MEI1: variants seen among roughly 807,000 people sequenced by gnomAD.
The protein encoded by MEI1 is meiosis inhibitor protein 1.
MEI1 carries 103 observed loss-of-function variants against 146.2 expected under a neutral mutation model. That is an observed-to-expected ratio of 0.70 (90% CI 0.60 to 0.83). The LOEUF (loss-of-function observed/expected upper bound fraction) is 0.83, where lower values mean the gene tolerates loss of function less well. Among genes scored for constraint, MEI1 ranks in the 40% least tolerant of loss-of-function variants. The pLI is 0.00. For synonymous variants in MEI1, 652 were observed against 628.2 expected (o/e 1.04, Z -0.57); for missense variants, 1,529 against 1,533.0 (o/e 1.00, Z 0.04).
At position 41,729,702 on chromosome 22, in the gene MEI1, G is replaced by C. The variant is rs772397733; in HGVS notation, c.902G>C (p.Ser301Thr). 1.2e-6 allele frequency: 2 copies of C among 1,612,200 alleles called. No individual in the cohort carries two copies. The highest frequency in any genetic ancestry group is 1.7e-5 in the Admixed American group (1 of 59,734). Reference protein sequence around the residue: ...LSRDETLQVASAHCITAVLVH... With the variant: ...LSRDETLQVATAHCITAVLVH... ...AGAGATGAAACCCTGCAGGTGGCCA[G>C]TGCTCACTGTATAACTGCGGTGCTT... The change falls in exon 8 of 31, where the codon AGT becomes ACT. Residue 301 changes from serine to threonine, a missense_variant. Transcript: ENST00000401548.
chr22:41,736,691 G>A (rs1290809581), intron 11 of MEI1, among the ~76,000 whole-genome samples: 3 of 152,096 alleles, frequency 2.0e-5, no homozygotes, highest in Non-Finnish European at 4.4e-5. Flanking sequence ...CATTATGCCT[G>A]GCTGCCTCTC....
At position 41,729,775 on chromosome 22, in the gene MEI1, C is replaced by T. The variant is rs376715038; in HGVS notation, c.975C>T (p.Ile325=). ...KHASAFIHAD[I]PEFLFEHLSS... ...CGTCAGCCTTCATCCACGCTGACAT[C>T]CCAGGTAGGGGAACACTTCTAACCT... Residue 325 remains isoleucine (I), a synonymous_variant, in exon 8 of 31, where the codon ATC becomes ATT. Coordinates refer to ENST00000401548, the MANE Select transcript of MEI1 (RefSeq NM_152513.4). The T allele has an allele frequency of 2.5e-6, 4 of 1,600,290 alleles. No individual in the cohort carries two copies. The highest frequency in any genetic ancestry group is 3.4e-6 in the Non-Finnish European group (4 of 1,173,530).
At chr22:41,737,006 C>T (rs141701034) in intron 11 of MEI1, among the ~76,000 whole-genome samples, 36 of 152,290 alleles carry the variant, frequency 2.4e-4, no homozygotes, top group African/African-American at 4.1e-4. Context: ...TCCCTGGCTC[C>T]ACAAACAGTA....
chr22:41,716,222 A>T, intron 5 of MEI1, 76 bp downstream of exon 5: 3 of 977,584 alleles, frequency 3.1e-6, no homozygotes, highest in Non-Finnish European at 4.7e-6. Flanking sequence ...TGTCCCATTC[A>T]CTCTGTACAC....
intron 22 of MEI1, 140 bp downstream of exon 22, chr22:41,778,952 T>A (rs2075612316): frequency 3.2e-6 from 2 of 626,796 alleles, no homozygotes; most frequent in Non-Finnish European, 5.5e-6. Context: ...GTCCCTAGGG[T>A]TTTCTTGCTA....
At chr22:41,742,076 A>G (rs139229599) in intron 11 of MEI1, among the ~76,000 whole-genome samples, 327 of 151,556 alleles carry the variant, frequency 2.2e-3, no homozygotes, top group Non-Finnish European at 3.3e-3. Flanking sequence ...CCTGGCCAAC[A>G]TGGTGAAATC....
At chr22:41,766,825 C>T (rs891790353) in intron 19 of MEI1, among the ~76,000 whole-genome samples, 1 of 152,220 alleles carries the variant, frequency 6.6e-6, no homozygotes, top group Non-Finnish European at 1.5e-5. Context: ...AGCCACTGCT[C>T]CTGTCTCCAG....
intron 17 of MEI1, 82 bp downstream of exon 17, chr22:41,754,128 A>T: frequency 9.9e-7 from 1 of 1,006,440 alleles, no homozygotes; most frequent in Non-Finnish European, 1.6e-6. Context: ...CTAGATAGTG[A>T]GTTAGTACAG....
At chr22:41,759,625 G>A (rs967652876) in intron 18 of MEI1, among the ~76,000 whole-genome samples, 44 of 116,144 alleles carry the variant, frequency 3.8e-4, no homozygotes, top group African/African-American at 1.8e-3. Context: ...GCGAGACTCC[G>A]TCTCAAAAAA....
chr22:41,707,015 A>G (rs2069141335), intron 3 of MEI1, among the ~76,000 whole-genome samples: 1 of 137,790 alleles, frequency 7.3e-6, no homozygotes, highest in Admixed American at 7.6e-5. Flanking sequence ...ACATGGTGAA[A>G]CCCCATCTCT....
intron 3 of MEI1, 48 bp from the exon 4 acceptor site, chr22:41,713,954 C>A: frequency 6.6e-7 from 1 of 1,508,252 alleles, no homozygotes. Flanking sequence ...AAGGTGGACT[C>A]TGGGTTGGGG....
At chr22:41,761,536 G>C (rs550610936) in intron 18 of MEI1, among the ~76,000 whole-genome samples, 3 of 151,898 alleles carry the variant, frequency 2.0e-5, no homozygotes, top group Non-Finnish European at 4.4e-5. Context: ...GGATGGTCTG[G>C]ATCTCCTGAC....
chr22:41,778,677 CT>C, intron 21 of MEI1, 30 bp from the exon 22 acceptor site: 1 of 1,535,538 alleles, frequency 6.5e-7, no homozygotes. Flanking sequence ...GAGCATCAGG[CT>C]TCTTGCCCAG....
chr22:41,718,713 T>C (rs941048621), intron 6 of MEI1, among the ~76,000 whole-genome samples: 3 of 152,124 alleles, frequency 2.0e-5, no homozygotes, highest in African/African-American at 7.2e-5. Context: ...GAAAAACTTA[T>C]TGGTTCAGAA....
At chr22:41,706,952 A>T (rs939437511) in intron 3 of MEI1, among the ~76,000 whole-genome samples, 2 of 149,248 alleles carry the variant, frequency 1.3e-5, no homozygotes, top group Non-Finnish European at 3.0e-5. Flanking sequence ...GCACTTTGGG[A>T]GGCTTAGGCC....
rs2075866613 is a variant in MEI1, at chr22:41,784,203, T to C, written c.3088-136T>C. ...CCAGGGCTGGTGCAGCTTGGAGGAC[T>C]CTGTGTGGCCTCCTCCGTCCCCTTT... On this transcript the variant is annotated intron_variant, in intron 24 of 30. Coordinates refer to ENST00000401548, the MANE Select transcript of MEI1 (RefSeq NM_152513.4). 7.0e-6 allele frequency: 5 copies of C among 713,234 alleles called. No individual in the cohort carries two copies. In the South Asian group the frequency reaches 8.9e-5, roughly 13 times the overall value. The allele number at this position is 713,234 out of a possible 1,614,324, so 44.2% of individuals were successfully genotyped here.
At chr22:41,776,067 C>T in intron 20 of MEI1, 35 bp from the exon 21 acceptor site, 1 of 1,604,770 alleles carries the variant, frequency 6.2e-7, no homozygotes. Context: ...AACTGCAGTA[C>T]CCTCTGATCT....
intron 11 of MEI1, among the ~76,000 whole-genome samples, chr22:41,740,038 G>A (rs6519279): frequency 0.08 from 12,118 of 151,642 alleles, 1,338 homozygotes; most frequent in African/African-American, 0.25. Context: ...TTTGGTGGGG[G>A]GGGTGGAGTC....
At chr22:41,755,555 C>G (rs1030689194) in intron 17 of MEI1, among the ~76,000 whole-genome samples, 1 of 152,192 alleles carries the variant, frequency 6.6e-6, no homozygotes, top group African/African-American at 2.4e-5. Context: ...CATCACCTCT[C>G]ATGCTCATAA....
Sources: allele counts gnomAD v4.1 joint callset (sites outside exome capture counted in the v4.1 genomes callset), GRCh38; gene constraint gnomAD v4.1.1; transcripts MANE v1.5; gene names NCBI Gene and HGNC (gene_info 2026-07-23, HGNC 2026-07-21).